GPC6: variants seen among roughly 807,000 people sequenced by gnomAD.
GPC6 encodes the protein glypican 6.
GPC6 carries 14 observed loss-of-function variants against 55.2 expected under a neutral mutation model. The observed-to-expected ratio is 0.25, with a 90% CI of 0.17 to 0.40. The LOEUF is 0.40. GPC6 is among the 10% of genes least tolerant of loss of function. GPC6 has a pLI of 1.00. For missense variants in GPC6, 641 were observed against 708.5 expected, an observed-to-expected ratio of 0.90 and a Z score of 1.08; for synonymous variants, 278 against 259.6, an observed-to-expected ratio of 1.07 and a Z score of -0.68.
intron 2 of GPC6, among the ~76,000 whole-genome samples, chr13:93,803,928 G>A (rs60393268): frequency 0.031 from 4,706 of 152,076 alleles, 215 homozygotes; most frequent in East Asian, 0.16. Context: ...AAATCAGAAC[G>A]GCTGCTAATG....
intron 4 of GPC6, among the ~76,000 whole-genome samples, chr13:94,133,828 T>C (rs1402084359): frequency 3.3e-5 from 5 of 151,950 alleles, no homozygotes; most frequent in Admixed American, 6.6e-5. Context: ...ATTTGAGCCA[T>C]AAATGGAGCC....
At chr13:94,146,418 A>C (rs1260140679) in intron 4 of GPC6, among the ~76,000 whole-genome samples, 1 of 152,174 alleles carries the variant, frequency 6.6e-6, no homozygotes, top group Non-Finnish European at 1.5e-5. Flanking sequence ...AAGATAATTT[A>C]CCTTCAACAA....
At chr13:93,877,212 GA>G (rs1394782889) in intron 3 of GPC6, among the ~76,000 whole-genome samples, 3 of 152,012 alleles carry the variant, frequency 2.0e-5, no homozygotes, top group Non-Finnish European at 4.4e-5. Flanking sequence ...AGAGGAAGAA[GA>G]ATTTATTATA....
intron 1 of GPC6, among the ~76,000 whole-genome samples, chr13:93,265,610 TG>T (rs1877294963): frequency 6.6e-6 from 1 of 152,156 alleles, no homozygotes; most frequent in South Asian, 2.1e-4. Context: ...TTTGAAAACC[TG>T]AAAAAATCTG....
intron 1 of GPC6, among the ~76,000 whole-genome samples, chr13:93,337,891 T>A (rs1880103862): frequency 6.6e-6 from 1 of 152,218 alleles, no homozygotes; most frequent in Non-Finnish European, 1.5e-5. Flanking sequence ...TTTTTCTTCA[T>A]GGATCTTTCA....
At chr13:94,025,955 A>G (rs947715108) in intron 3 of GPC6, among the ~76,000 whole-genome samples, 61 of 152,230 alleles carry the variant, frequency 4.0e-4, no homozygotes, top group African/African-American at 1.4e-3. Context: ...TTACTTTGGC[A>G]TGAAAAATGA....
chr13:93,533,934 C>T (rs565271598), intron 1 of GPC6, among the ~76,000 whole-genome samples: 1 of 152,114 alleles, frequency 6.6e-6, no homozygotes, highest in Non-Finnish European at 1.5e-5. Context: ...GGGATGATTT[C>T]ACCCTATTGG....
chr13:93,608,720 G>A (rs572299925), intron 2 of GPC6, among the ~76,000 whole-genome samples: 6 of 152,302 alleles, frequency 3.9e-5, no homozygotes, highest in East Asian at 3.9e-4. Context: ...CTGTGCAACC[G>A]CTGTCCTGCC....
At chr13:93,873,620 A>C (rs1889198155) in intron 3 of GPC6, among the ~76,000 whole-genome samples, 2 of 151,944 alleles carry the variant, frequency 1.3e-5, no homozygotes. Flanking sequence ...CCCACCTGTC[A>C]ATAGTGCACA....
At chr13:93,980,259 A>G (rs1296669616) in intron 3 of GPC6, among the ~76,000 whole-genome samples, 1 of 152,184 alleles carries the variant, frequency 6.6e-6, no homozygotes, top group Non-Finnish European at 1.5e-5. Context: ...CTCAGTGCAT[A>G]TGGAAAAATG....
intron 1 of GPC6, among the ~76,000 whole-genome samples, chr13:93,365,758 A>G (rs958276078): frequency 3.3e-5 from 5 of 152,056 alleles, no homozygotes; most frequent in Non-Finnish European, 7.4e-5. Context: ...TGGTACTGCC[A>G]TCTATCACTT....
intron 4 of GPC6, among the ~76,000 whole-genome samples, chr13:94,271,360 ACACACACGCGCGCGCGCGCGCG>A (rs1428035191): frequency 3.3e-4 from 34 of 102,466 alleles, no homozygotes; most frequent in African/African-American, 8.4e-4. Context: ...TTAAATACAC[ACACACACGCGCGCGCGCGCGCG>A]CACACACACA....
chr13:93,579,331 C>A (rs73541542), intron 2 of GPC6, among the ~76,000 whole-genome samples: 9,355 of 151,992 alleles, frequency 0.062, 928 homozygotes, highest in African/African-American at 0.21. Context: ...TAGTGTATCA[C>A]ATTTTTACAT....
chr13:93,981,184 G>T (rs1424477560), intron 3 of GPC6, among the ~76,000 whole-genome samples: 2 of 152,082 alleles, frequency 1.3e-5, no homozygotes, highest in African/African-American at 4.8e-5. Flanking sequence ...ACTGATTTCA[G>T]AGCAAAACTT....
chr13:93,676,150 TATATATATATATATATATACATACAC>T (rs1262306736), intron 2 of GPC6, among the ~76,000 whole-genome samples: 5 of 15,828 alleles, frequency 3.2e-4, no homozygotes, highest in African/African-American at 4.8e-4. Flanking sequence ...TATATATATA[TATATATATATATATATATACATACAC>T]ACACACACAC....
At chr13:94,082,561 G>C (rs899232389) in intron 4 of GPC6, among the ~76,000 whole-genome samples, 8 of 152,120 alleles carry the variant, frequency 5.3e-5, no homozygotes, top group Admixed American at 5.2e-4. Flanking sequence ...CTCAAGTGTT[G>C]TTAGAGAATT....
chr13:93,802,805 A>C (rs185175006), intron 2 of GPC6, among the ~76,000 whole-genome samples: 2 of 152,312 alleles, frequency 1.3e-5, no homozygotes, highest in East Asian at 3.9e-4. Flanking sequence ...TATTTGAAGC[A>C]GACTAGAGAA....
chr13:94,354,790 T>C lies in GPC6; in HGVS notation c.1153-27624T>C, dbSNP rs1878712551. Among the ~76,000 whole-genome samples, 3 of 152,392 alleles carry C rather than the reference T, an allele frequency of 2.0e-5. No individual in the cohort carries two copies. The South Asian group carries it at 6.2e-4, about 32-fold the overall frequency. On this transcript the variant is annotated intron_variant, in intron 6 of 8. Coordinates refer to ENST00000377047, the MANE Select transcript of GPC6 (RefSeq NM_005708.5). ...GCTGCAAGGCAGAGCTTACAAATTG[T>C]CAGCCATCAGTGTTAATCTATCTAT...
chr13:93,905,718 A>G (rs1876630552), intron 3 of GPC6, among the ~76,000 whole-genome samples: 1 of 152,228 alleles, frequency 6.6e-6, no homozygotes, highest in Non-Finnish European at 1.5e-5. Flanking sequence ...AGGTGAGAAT[A>G]ATCCAATTTG....
Sources: allele counts gnomAD v4.1 joint callset (sites outside exome capture counted in the v4.1 genomes callset), GRCh38; gene constraint gnomAD v4.1.1; transcripts MANE v1.5; gene names NCBI Gene and HGNC (gene_info 2026-07-23, HGNC 2026-07-21).